Variants in CACHD1 observed in about 807,000 individuals in gnomAD.
CACHD1 encodes VWFA and cache domain-containing protein 1.
A neutral mutation model predicts 138.7 loss-of-function variants in CACHD1; 71 were observed. The ratio of observed to expected loss-of-function variants is 0.51; its 90% CI spans 0.42 to 0.62. The LOEUF is 0.62. Among genes scored for constraint, CACHD1 ranks in the 20% least tolerant of loss-of-function variants. CACHD1 has a pLI of 0.00. For missense variants in CACHD1, 1,389 were observed against 1,625.3 expected, an observed-to-expected ratio of 0.85 and a Z score of 2.50; for synonymous variants, 578 against 591.5, an observed-to-expected ratio of 0.98 and a Z score of 0.33.
chr1:64,505,716 G>A (rs541142273), intron 1 of CACHD1, among the ~76,000 whole-genome samples: 2 of 9,960 alleles, frequency 2.0e-4, no homozygotes, highest in African/African-American at 4.7e-4. Flanking sequence ...GGACCCCGCC[G>A]CCCCTCCCCC....
At chr1:64,482,224 C>T (rs1045517607) in intron 1 of CACHD1, among the ~76,000 whole-genome samples, 1 of 152,142 alleles carries the variant, frequency 6.6e-6, no homozygotes, top group African/African-American at 2.4e-5. Context: ...CTATCATTTG[C>T]TAACTCACAT....
At chr1:64,633,033 A>G (rs973334361) in intron 6 of CACHD1, among the ~76,000 whole-genome samples, 2 of 152,214 alleles carry the variant, frequency 1.3e-5, no homozygotes, top group Non-Finnish European at 2.9e-5. Context: ...CGTAGAATTT[A>G]TTGAATACAG....
intron 1 of CACHD1, among the ~76,000 whole-genome samples, chr1:64,495,981 T>C (rs1646304431): frequency 6.6e-6 from 1 of 152,224 alleles, no homozygotes; most frequent in South Asian, 2.1e-4. Context: ...TATTATAATA[T>C]ATTTGATTAG....
intron 1 of CACHD1, among the ~76,000 whole-genome samples, chr1:64,472,479 A>G (rs1051467006): frequency 3.9e-5 from 6 of 152,332 alleles, no homozygotes; most frequent in African/African-American, 1.4e-4. Context: ...GCAGACACCC[A>G]GCCCTGAAGT....
At chr1:64,597,521 GTTGTTTTTTTTTT>G (rs1647164184) in intron 3 of CACHD1, among the ~76,000 whole-genome samples, 1 of 63,856 alleles carries the variant, frequency 1.6e-5, no homozygotes, top group African/African-American at 6.6e-5. Context: ...TTTTTTTTTT[GTTGTTTTTTTTTT>G]TTTTTTTTTT....
intron 1 of CACHD1, among the ~76,000 whole-genome samples, chr1:64,476,853 G>C (rs1646177030): frequency 6.6e-6 from 1 of 152,186 alleles, no homozygotes; most frequent in African/African-American, 2.4e-5. Context: ...GCTATTTCTG[G>C]TTGCTGCTTG....
At chr1:64,500,060 C>T (rs1213872693) in intron 1 of CACHD1, among the ~76,000 whole-genome samples, 26 of 152,188 alleles carry the variant, frequency 1.7e-4, no homozygotes, top group Admixed American at 1.4e-3. Context: ...ATGTGGCCTT[C>T]TTCTATCTTG....
chr1:64,548,151 C>A (rs1436745), intron 1 of CACHD1, among the ~76,000 whole-genome samples: 136,889 of 152,204 alleles, frequency 0.9, 62,025 homozygotes, highest in East Asian at 0.96. Flanking sequence ...CTACTGAGGA[C>A]TTCACCTTTG....
intron 1 of CACHD1, among the ~76,000 whole-genome samples, chr1:64,501,971 C>T (rs1646342759): frequency 6.6e-6 from 1 of 152,172 alleles, no homozygotes; most frequent in Admixed American, 6.5e-5. Flanking sequence ...CTCTTTTTCC[C>T]CTTCACTTTC....
Position 64,693,004 on chromosome 1 carries a change from C to A in CACHD1, c.*1443C>A, listed in dbSNP as rs1650612278. 6 of 152,630 alleles carry A rather than the reference C, an allele frequency of 3.9e-5. No homozygotes were observed. The highest frequency in any genetic ancestry group is 3.9e-4 in the Admixed American group (6 of 15,272). The allele number at this position is 152,630 out of a possible 1,614,324, so 9.5% of individuals were successfully genotyped here. ...TATATGTGCTATCAGGAAACCCCTT[C>A]ATACTGTGTATAAAATTGCAATCTA... is the stretch of plus-strand genomic sequence containing the variant. On this transcript the variant is annotated 3_prime_UTR_variant, in exon 27 of 27. Transcript: ENST00000651257.
rs530467316 is a variant in CACHD1 at position 64,587,655 on chromosome 1, C to A, written c.410+5351C>A. ...TGGAAAAAAATAGGCTAAATTTAAT[C>A]AAAAACAAACTCATTTTCAACGGTA... On this transcript the variant is annotated intron_variant, in intron 3 of 26. Transcript: ENST00000651257. Among the ~76,000 whole-genome samples the A allele has an allele frequency of 9.9e-5, 15 of 152,262 alleles. No individual in the cohort carries two copies. In the South Asian group the frequency reaches 2.5e-3, roughly 25 times the overall value.
At chr1:64,661,604 C>T (rs1274882361) in intron 13 of CACHD1, among the ~76,000 whole-genome samples, 1 of 152,014 alleles carries the variant, frequency 6.6e-6, no homozygotes, top group Non-Finnish European at 1.5e-5. Context: ...TTTCCTTATT[C>T]CTTGTCACTC....
At chr1:64,580,230 AT>A (rs1283754165) in intron 2 of CACHD1, among the ~76,000 whole-genome samples, 1 of 151,994 alleles carries the variant, frequency 6.6e-6, no homozygotes, top group East Asian at 1.9e-4. Context: ...AATGTACAGG[AT>A]TTTTTTTCCC....
chr1:64,644,850 C>A (rs753819730), intron 8 of CACHD1, among the ~76,000 whole-genome samples: 1 of 152,232 alleles, frequency 6.6e-6, no homozygotes, highest in Non-Finnish European at 1.5e-5. Flanking sequence ...GTAATCCCAG[C>A]ACTTTGGGAT....
At chr1:64,564,238 T>A (rs998680369) in intron 2 of CACHD1, among the ~76,000 whole-genome samples, 6 of 152,212 alleles carry the variant, frequency 3.9e-5, no homozygotes, top group Non-Finnish European at 8.8e-5. Context: ...GAGGGGAGAC[T>A]AGAGGTTGAC....
At chr1:64,643,899 A>G (rs1648819853) in intron 8 of CACHD1, among the ~76,000 whole-genome samples, 1 of 152,254 alleles carries the variant, frequency 6.6e-6, no homozygotes, top group South Asian at 2.1e-4. Context: ...TGTCTCAGAC[A>G]GTATAGCTCA....
intron 4 of CACHD1, among the ~76,000 whole-genome samples, chr1:64,609,027 AC>A (rs1254352406): frequency 6.6e-6 from 1 of 152,154 alleles, no homozygotes; most frequent in Non-Finnish European, 1.5e-5. Context: ...AACGGGATTC[AC>A]GGGGTGTAAG....
Position 64,510,873 on chromosome 1 carries a change from A to G in CACHD1, c.199-39721A>G, listed in dbSNP as rs536990093. On this transcript the variant is annotated intron_variant, in intron 1 of 26. Coordinates refer to ENST00000651257, the MANE Select transcript of CACHD1 (RefSeq NM_020925.4). ...AGTGCTGTGGGTCCTTGAAAGTTCAATGCATGTATAATTGTTATTCCTGGA... is the reference window on the plus strand; with the variant it reads ...AGTGCTGTGGGTCCTTGAAAGTTCAGTGCATGTATAATTGTTATTCCTGGA... 4.6e-5 allele frequency among the ~76,000 whole-genome samples: 7 copies of G among 152,284 alleles called. No homozygotes were observed. In the South Asian group the frequency reaches 1.5e-3, roughly 32 times the overall value.
intron 2 of CACHD1, among the ~76,000 whole-genome samples, chr1:64,573,145 A>G (rs1375137651): frequency 1.3e-5 from 2 of 152,166 alleles, no homozygotes; most frequent in African/African-American, 2.4e-5. Context: ...CTAACCCCCA[A>G]TGTGATGGTA....
Sources: gnomAD v4.1 joint callset for allele counts (sites outside exome capture counted in the v4.1 genomes callset) on GRCh38, gnomAD v4.1.1 for gene constraint, MANE v1.5 for transcripts, NCBI Gene and HGNC (gene_info 2026-07-23, HGNC 2026-07-21) for gene names.